DLGAP1: variants seen among roughly 807,000 people sequenced by gnomAD.
The protein encoded by DLGAP1 is DLG associated protein 1.
DLGAP1 carries 11 observed loss-of-function variants against 90.8 expected under a neutral mutation model. The ratio of observed to expected loss-of-function variants is 0.12; its 90% CI spans 0.08 to 0.20. The LOEUF is 0.20. Ranked by LOEUF, DLGAP1 falls within the 10% of genes least tolerant of loss-of-function variation. The pLI, the probability that DLGAP1 is intolerant of heterozygous loss-of-function variation, is 1.00. For synonymous variants in DLGAP1, 558 were observed against 540.7 expected, an observed-to-expected ratio of 1.03 and a Z score of -0.44; for missense variants, 1,050 against 1,333.8, an observed-to-expected ratio of 0.79 and a Z score of 3.31.
chr18:4,449,878 G>A (rs1402806771), intron 1 of DLGAP1, among the ~76,000 whole-genome samples: 1 of 152,158 alleles, frequency 6.6e-6, no homozygotes, highest in Non-Finnish European at 1.5e-5. Context: ...CTGCTCCATA[G>A]AAGCTCTAGA....
At chr18:3,754,305 TA>T (rs2063623282) in intron 5 of DLGAP1, among the ~76,000 whole-genome samples, 1 of 152,180 alleles carries the variant, frequency 6.6e-6, no homozygotes, top group Non-Finnish European at 1.5e-5. Context: ...CTCAGCCTCC[TA>T]CTTCAAATAA....
chr18:4,051,249 C>T (rs1385619222), intron 2 of DLGAP1, among the ~76,000 whole-genome samples: 2 of 152,140 alleles, frequency 1.3e-5, no homozygotes, highest in Admixed American at 6.5e-5. Context: ...TCTGTGTCCC[C>T]ACCTGTATTA....
intron 7 of DLGAP1, among the ~76,000 whole-genome samples, chr18:3,646,803 T>TA (rs1727187261): frequency 6.6e-6 from 1 of 151,960 alleles, no homozygotes; most frequent in African/African-American, 2.4e-5. Flanking sequence ...TGGGCGCCTG[T>TA]AGTCCCAGCT....
chr18:4,306,222 G>A (rs954918315), intron 1 of DLGAP1, among the ~76,000 whole-genome samples: 11 of 152,048 alleles, frequency 7.2e-5, no homozygotes, highest in Non-Finnish European at 1.3e-4. Flanking sequence ...AAGCTTACTG[G>A]TAAGTTGATT....
At position 3,600,731 on chromosome 18, in the gene DLGAP1, T is replaced by TATATAGATATATAGATATATATAG. The variant is rs1555695365; in HGVS notation, c.1592-18484_1592-18483insCTATATATATCTATATATCTATAT. Among the ~76,000 whole-genome samples, 4 of 37,788 alleles carry TATATAGATATATAGATATATATAG rather than the reference T, an allele frequency of 1.1e-4. 1 individual carries two copies. The highest frequency in any genetic ancestry group is 4.3e-4 in the African/African-American group (3 of 6,950). The allele number at this position is 37,788 out of a possible 152,430, so 24.8% of individuals were successfully genotyped here. A position where few individuals can be genotyped will look rare whatever the true frequency, so the allele number is the denominator to read the frequency against. The stretch of plus-strand genomic sequence containing the variant: ...AGCTATATAGATATAGAGATATAGA[T>TATATAGATATATAGATATATATAG]ATATATAGATATATAGATATATATA... On this transcript the variant is annotated intron_variant, in intron 7 of 12. Transcript: ENST00000315677.
chr18:4,077,450 A>T (rs988916620), intron 2 of DLGAP1, among the ~76,000 whole-genome samples: 2 of 152,148 alleles, frequency 1.3e-5, no homozygotes, highest in African/African-American at 4.8e-5. Context: ...TGTCTGGGCC[A>T]TGGGGGTGGA....
intron 7 of DLGAP1, among the ~76,000 whole-genome samples, chr18:3,701,685 GGA>G (rs2061284188): frequency 6.6e-6 from 1 of 152,204 alleles, no homozygotes; most frequent in Non-Finnish European, 1.5e-5. Flanking sequence ...GCTGAGTCCA[GGA>G]GACTGTTTGG....
chr18:3,613,611 C>T lies in DLGAP1; in HGVS notation c.1592-31363G>A, dbSNP rs368613089. On this transcript the variant is annotated intron_variant, in intron 7 of 12. Coordinates refer to ENST00000315677, the MANE Select transcript of DLGAP1 (RefSeq NM_004746.4). ...ACTTCCTCTCTAAGTGTTGGGATTACAGGCATGAGCCTGGCTAGGAAGCAA... is the reference window on the plus strand; with the variant it reads ...ACTTCCTCTCTAAGTGTTGGGATTATAGGCATGAGCCTGGCTAGGAAGCAA... Among the ~76,000 whole-genome samples the T allele has an allele frequency of 1.2e-4, 18 of 152,320 alleles. 1 individual carries two copies. The highest frequency in any genetic ancestry group is 2.0e-4 in the Admixed American group (3 of 15,294).
intron 3 of DLGAP1, among the ~76,000 whole-genome samples, chr18:3,952,490 C>T (rs1255581320): frequency 6.6e-6 from 1 of 152,176 alleles, no homozygotes; most frequent in Non-Finnish European, 1.5e-5. Flanking sequence ...CGGACCACGG[C>T]AAAGGGTTGA....
At chr18:3,877,656 A>C (rs1467135445) in intron 4 of DLGAP1, among the ~76,000 whole-genome samples, 2 of 152,212 alleles carry the variant, frequency 1.3e-5, no homozygotes, top group Admixed American at 6.5e-5. Flanking sequence ...TGCAACTTTC[A>C]TTAATGGCCA....
At chr18:3,862,169 T>C (rs1331461344) in intron 4 of DLGAP1, among the ~76,000 whole-genome samples, 1 of 152,084 alleles carries the variant, frequency 6.6e-6, no homozygotes, top group Admixed American at 6.5e-5. Context: ...GCATAAGCAA[T>C]GTGGGGTAGA....
intron 5 of DLGAP1, among the ~76,000 whole-genome samples, chr18:3,759,896 G>A (rs762728934): frequency 2.3e-4 from 35 of 152,224 alleles, no homozygotes; most frequent in Non-Finnish European, 5.0e-4. Flanking sequence ...CCAGATCCAG[G>A]GAGCTGCAAG....
chr18:3,690,870 T>C (rs989050143), intron 7 of DLGAP1, among the ~76,000 whole-genome samples: 1 of 152,238 alleles, frequency 6.6e-6, no homozygotes, highest in African/African-American at 2.4e-5. Context: ...GATTCAGACA[T>C]GCTGGCGGTA....
At chr18:3,951,863 C>T (rs2072992322) in intron 3 of DLGAP1, among the ~76,000 whole-genome samples, 1 of 152,172 alleles carries the variant, frequency 6.6e-6, no homozygotes, top group East Asian at 1.9e-4. Context: ...TTTCCTGAGG[C>T]TTCTCCAGCC....
chr18:4,132,951 G>T (rs1312096874), intron 2 of DLGAP1, among the ~76,000 whole-genome samples: 2 of 152,150 alleles, frequency 1.3e-5, no homozygotes, highest in Non-Finnish European at 1.5e-5. Flanking sequence ...CATTGGTAAT[G>T]CAAGGATACT....
At chr18:4,077,640 C>A (rs1251205150) in intron 2 of DLGAP1, among the ~76,000 whole-genome samples, 1 of 152,120 alleles carries the variant, frequency 6.6e-6, no homozygotes, top group Non-Finnish European at 1.5e-5. Context: ...TTCTCTCCCC[C>A]TCTGCCACAA....
intron 1 of DLGAP1, among the ~76,000 whole-genome samples, chr18:4,367,027 AAAAT>A (rs2081788647): frequency 1.3e-5 from 2 of 148,520 alleles, no homozygotes; most frequent in African/African-American, 5.1e-5. Flanking sequence ...AAAAAAAAAA[AAAAT>A]CTTGTACTTT....
rs76944533 is a variant in DLGAP1 at position 4,199,508 on chromosome 18, T to C, written c.-266-48221A>G. 6.7e-3 allele frequency among the ~76,000 whole-genome samples: 1,026 copies of C among 152,314 alleles called. 10 individuals are homozygous for C. The highest frequency in any genetic ancestry group is 0.023 in the African/African-American group (945 of 41,562). On this transcript the variant is annotated intron_variant, in intron 1 of 12. Coordinates refer to ENST00000315677, the MANE Select transcript of DLGAP1 (RefSeq NM_004746.4). ...GAATTAAGATAACTGTGAATAATCC[T>C]GGTCATGCCAATGAGAGGTTGTCAT...
intron 3 of DLGAP1, chr18:3,986,271 A>G (rs534422497): frequency 6.6e-6 from 1 of 152,348 alleles, no homozygotes; most frequent in Admixed American, 6.5e-5. Context: ...AAGTATTCTT[A>G]CAAATCCTTT....
Sources: gnomAD v4.1 joint callset for allele counts (sites outside exome capture counted in the v4.1 genomes callset) on GRCh38, gnomAD v4.1.1 for gene constraint, MANE v1.5 for transcripts, NCBI Gene and HGNC (gene_info 2026-07-23, HGNC 2026-07-21) for gene names.